Variants in TAF1B observed in about 807,000 individuals in gnomAD.
The protein encoded by TAF1B is TATA box-binding protein-associated factor RNA polymerase I subunit B.
TAF1B carries 61 observed loss-of-function variants against 83.9 expected under a neutral mutation model. That is an observed-to-expected ratio of 0.73 (90% CI 0.59 to 0.90). TAF1B has a LOEUF of 0.90. Ranked by LOEUF, TAF1B falls within the 40% of genes least tolerant of loss-of-function variation. The probability of loss-of-function intolerance (pLI) is 0.00; values close to 1 mark genes in which losing one functional copy is unlikely to be tolerated. For synonymous variants in TAF1B, 221 were observed against 224.6 expected (o/e 0.98, Z 0.14); for missense variants, 625 against 677.0 (o/e 0.92, Z 0.85).
intron 4 of TAF1B, 60 bp downstream of exon 4, chr2:9,851,698 CT>C: frequency 7.5e-7 from 1 of 1,340,000 alleles, no homozygotes; most frequent in Non-Finnish European, 1.0e-6. Context: ...AACAGTAAGA[CT>C]TATAGTGGAA....
At chr2:9,918,963 C>A (rs1054886124) in intron 12 of TAF1B, 78 bp from the exon 13 acceptor site, 5 of 1,224,016 alleles carry the variant, frequency 4.1e-6, no homozygotes, top group Admixed American at 3.7e-5. Context: ...TATCAGAAAT[C>A]TCAGATAGTG....
intron 2 of TAF1B, chr2:9,846,203 C>T: frequency 4.4e-6 from 2 of 450,296 alleles, no homozygotes; most frequent in Admixed American, 2.5e-5. Flanking sequence ...CTTCTGACTT[C>T]AGTGTTCATT....
At chr2:9,862,145 G>C (rs1161708038) in intron 5 of TAF1B, among the ~76,000 whole-genome samples, 1 of 152,070 alleles carries the variant, frequency 6.6e-6, no homozygotes, top group Non-Finnish European at 1.5e-5. Context: ...AAACTACTCC[G>C]AGCTAAAGGA....
chr2:9,878,179 A>C (rs1411894905), intron 7 of TAF1B, among the ~76,000 whole-genome samples: 1 of 151,180 alleles, frequency 6.6e-6, no homozygotes, highest in African/African-American at 2.4e-5. Flanking sequence ...AGGACCTGAT[A>C]ATCTCTGCTT....
At position 9,904,841 on chromosome 2, in the gene TAF1B, G is replaced by T; in HGVS notation, c.808-18G>T. On this transcript the variant is annotated intron_variant, in intron 8 of 14. Coordinates refer to ENST00000263663, the MANE Select transcript of TAF1B (RefSeq NM_005680.3). ...TGTTGCAAAAATTGCAACTATGATG[G>T]TCTCTCTTTTATTTCAGTCTTGGCC... 1 of 1,602,496 alleles carries T rather than the reference G, an allele frequency of 6.2e-7. No individual in the cohort carries two copies. Among genetic ancestry groups the T allele is most frequent in the African/African-American group, 1.3e-5 (1 of 74,540 alleles).
chr2:9,850,178 T>C (rs1291167137), intron 3 of TAF1B, among the ~76,000 whole-genome samples: 1 of 152,198 alleles, frequency 6.6e-6, no homozygotes, highest in Non-Finnish European at 1.5e-5. Flanking sequence ...CTGATTAACT[T>C]TTAAATTTTA....
intron 7 of TAF1B, 97 bp downstream of exon 7, chr2:9,876,115 C>A: frequency 7.7e-7 from 1 of 1,293,040 alleles, no homozygotes; most frequent in Non-Finnish European, 1.1e-6. Context: ...GAAGGCTTAA[C>A]TTGAGGAAGG....
At chr2:9,862,039 C>G (rs1003692858) in intron 5 of TAF1B, among the ~76,000 whole-genome samples, 1 of 144,268 alleles carries the variant, frequency 6.9e-6, no homozygotes, top group Non-Finnish European at 1.6e-5. Context: ...ATCAGAACGC[C>G]TCTCCTCCAA....
intron 12 of TAF1B, among the ~76,000 whole-genome samples, chr2:9,917,307 T>G (rs16867242): frequency 0.22 from 34,101 of 152,178 alleles, 4,760 homozygotes; most frequent in East Asian, 0.32. Flanking sequence ...TGCTAAATGA[T>G]ATTACTAAAA....
rs1433834207 is a variant in TAF1B at position 9,910,878 on chromosome 2, G to A, written c.1098G>A (p.Leu366=). The change falls in exon 10 of 15, where the codon TTG becomes TTA. Residue 366 remains leucine (L), a synonymous_variant. Coordinates refer to ENST00000263663, the MANE Select transcript of TAF1B (RefSeq NM_005680.3). Reference sequence around the variant, plus strand: ...CTGTAGCTATCATTGTGGTGGTATTGAAACTGCTCTTTCTATTGGATGACA... The same window carrying A: ...CTGTAGCTATCATTGTGGTGGTATTAAAACTGCTCTTTCTATTGGATGACA... ...VQAVAIIVVV[L]KLLFLLDDSF... is the part of the protein sequence containing the mutation. 1 of 1,611,970 alleles carries A rather than the reference G, an allele frequency of 6.2e-7. No homozygotes were observed. The highest frequency in any genetic ancestry group is 1.7e-5 in the Admixed American group (1 of 59,542).
intron 5 of TAF1B, among the ~76,000 whole-genome samples, chr2:9,862,977 C>T (rs1203637528): frequency 3.3e-5 from 5 of 152,154 alleles, no homozygotes; most frequent in Non-Finnish European, 7.4e-5. Context: ...CCGGTACCAG[C>T]CACTGCAAAA....
chr2:9,877,417 C>G (rs751759962), intron 7 of TAF1B, among the ~76,000 whole-genome samples: 4 of 152,176 alleles, frequency 2.6e-5, no homozygotes, highest in African/African-American at 9.7e-5. Context: ...AGGAATCATC[C>G]TTGACTCTTT....
intron 1 of TAF1B, chr2:9,843,780 G>T (rs961415019): frequency 2.0e-5 from 10 of 510,148 alleles, no homozygotes; most frequent in Middle Eastern, 5.1e-4. Flanking sequence ...GCGAGGTTGT[G>T]GGGGAGGGAG....
At chr2:9,852,061 T>C (rs1459394072) in intron 4 of TAF1B, 2 of 471,430 alleles carry the variant, frequency 4.2e-6, no homozygotes, top group Non-Finnish European at 8.8e-6. Flanking sequence ...AGAATGCACT[T>C]TGGACAGCGA....
At chr2:9,864,899 T>C (rs1450662742) in intron 5 of TAF1B, among the ~76,000 whole-genome samples, 1 of 152,132 alleles carries the variant, frequency 6.6e-6, no homozygotes, top group Non-Finnish European at 1.5e-5. Context: ...ACGCTTCATG[T>C]TAAAAACTCT....
At chr2:9,905,819 ATATGTAG>A (rs886903695) in intron 9 of TAF1B, among the ~76,000 whole-genome samples, 1 of 146,198 alleles carries the variant, frequency 6.8e-6, no homozygotes. Context: ...GTGACTATAA[ATATGTAG>A]TAACATATAT....
intron 14 of TAF1B, among the ~76,000 whole-genome samples, chr2:9,928,387 T>C (rs1453949805): frequency 6.6e-6 from 1 of 152,226 alleles, no homozygotes; most frequent in African/African-American, 2.4e-5. Context: ...TTTTTCCAGT[T>C]CTGTGAAGAA....
Position 9,910,901 on chromosome 2 carries a change from A to T in TAF1B, c.1121A>T (p.Asp374Val). 1.2e-6 allele frequency: 2 copies of T among 1,610,642 alleles called. No individual in the cohort carries two copies. The highest frequency in any genetic ancestry group is 1.7e-6 in the Non-Finnish European group (2 of 1,178,422). The change falls in exon 10 of 15, where the codon GAC becomes GTC. Residue 374 changes from aspartate (D) to valine (V), a missense_variant. By Grantham distance (152) the Asp-to-Val change is radical. Coordinates refer to ENST00000263663, the MANE Select transcript of TAF1B (RefSeq NM_005680.3). Reference protein sequence around the residue: ...VVLKLLFLLDDSFEWSLSNLA... With the variant: ...VVLKLLFLLDVSFEWSLSNLA... ...TTGAAACTGCTCTTTCTATTGGATG[A>T]CAGTTTCGAGTGGTAAGTGTACGTC... is the stretch of plus-strand genomic sequence containing the variant.
At chr2:9,926,256 G>C (rs1666029311) in intron 14 of TAF1B, among the ~76,000 whole-genome samples, 2 of 152,156 alleles carry the variant, frequency 1.3e-5, no homozygotes, top group African/African-American at 4.8e-5. Flanking sequence ...TCAGTGATTA[G>C]ATTTTTCCCT....
Sources: gnomAD v4.1 joint callset for allele counts (sites outside exome capture counted in the v4.1 genomes callset) on GRCh38, gnomAD v4.1.1 for gene constraint, MANE v1.5 for transcripts, NCBI Gene and HGNC (gene_info 2026-07-23, HGNC 2026-07-21) for gene names.